Variants in CCNJL observed in about 807,000 individuals in gnomAD.
CCNJL encodes the protein cyclin-J-like protein.
A neutral mutation model predicts 33.4 loss-of-function variants in CCNJL; 33 were observed. The observed-to-expected ratio is 0.99, with a 90% confidence interval of 0.75 to 1.32. The LOEUF is 1.32. Among genes scored for constraint, CCNJL ranks in the 40% most tolerant of loss-of-function variants. CCNJL has a pLI of 0.00. For synonymous variants in CCNJL, 227 were observed against 220.9 expected, an observed-to-expected ratio of 1.03 and a Z score of -0.24; for missense variants, 512 against 499.7, an observed-to-expected ratio of 1.02 and a Z score of -0.23.
At chr5:160,316,413 A>G (rs1763381132), upstream of CCNJL, among the ~76,000 whole-genome samples, 1 of 103,424 alleles carries the variant, frequency 9.7e-6, no homozygotes, top group Non-Finnish European at 2.0e-5. Flanking sequence ...GCTTTCTTAT[A>G]TATCCCTAAA....
At chr5:160,268,327 C>T (rs915090723) in intron 3 of CCNJL, among the ~76,000 whole-genome samples, 1 of 152,224 alleles carries the variant, frequency 6.6e-6, no homozygotes, top group Non-Finnish European at 1.5e-5. Context: ...TACGGAGTGG[C>T]AGCCGCTTAC....
At chr5:160,287,964 C>T (rs1464839904) in intron 2 of CCNJL, among the ~76,000 whole-genome samples, 2 of 152,142 alleles carry the variant, frequency 1.3e-5, no homozygotes, top group Non-Finnish European at 2.9e-5. Context: ...CAGCTGTTGG[C>T]CCTTGATCAC....
At chr5:160,321,340 C>A (rs1763462002) in intron 1 of CCNJL, among the ~76,000 whole-genome samples, 1 of 152,158 alleles carries the variant, frequency 6.6e-6, no homozygotes, top group Non-Finnish European at 1.5e-5. Flanking sequence ...GAGACTGAGA[C>A]TGGACAGTGA....
intron 2 of CCNJL, among the ~76,000 whole-genome samples, chr5:160,282,511 A>G (rs937062276): frequency 6.6e-6 from 1 of 152,192 alleles, no homozygotes; most frequent in South Asian, 2.1e-4. Flanking sequence ...TCCAGAAAGA[A>G]AAAAGACAAC....
intron 3 of CCNJL, among the ~76,000 whole-genome samples, chr5:160,262,156 T>C (rs1761365439): frequency 6.6e-6 from 1 of 152,162 alleles, no homozygotes; most frequent in African/African-American, 2.4e-5. Context: ...AACGAGCTCT[T>C]TCCCTCCCCA....
At chr5:160,338,421 G>C (rs991252470) in intron 1 of CCNJL, among the ~76,000 whole-genome samples, 3 of 143,516 alleles carry the variant, frequency 2.1e-5, no homozygotes, top group African/African-American at 5.2e-5. Context: ...CCCAAAAAAA[G>C]CCAAACCTTC....
At chr5:160,269,812 C>T (rs140259202) in intron 3 of CCNJL, among the ~76,000 whole-genome samples, 67 of 152,308 alleles carry the variant, frequency 4.4e-4, no homozygotes, top group African/African-American at 1.5e-3. Context: ...TGTACAGTGG[C>T]TGAGAACCAC....
At chr5:160,274,009 CTG>C in intron 3 of CCNJL, among the ~76,000 whole-genome samples, 1 of 152,226 alleles carries the variant, frequency 6.6e-6, no homozygotes, top group Admixed American at 6.5e-5. Flanking sequence ...TGAGAATCAA[CTG>C]TGTTTGTATA....
rs939530328 is a variant in CCNJL at position 160,253,753 on chromosome 5, C to G, written c.789G>C (p.Gln263His). The change falls in exon 6 of 6, where the codon CAG (glutamine) becomes CAC (histidine). Residue 263 changes from glutamine to histidine, a missense_variant. Transcript: ENST00000257536. ...VLKDAVAVKS[Q>H]ALAMVPGTPP... Reference sequence around the variant, plus strand: ...GTGTGCCGGGCACCATTGCCAAGGCCTGGCTCTTGACGGCTACGGCATCCT... The same window carrying G: ...GTGTGCCGGGCACCATTGCCAAGGCGTGGCTCTTGACGGCTACGGCATCCT... The G allele has an allele frequency of 6.5e-7, 1 of 1,545,556 alleles. No homozygotes were observed. Among genetic ancestry groups the G allele is most frequent in the Non-Finnish European group, 8.7e-7 (1 of 1,147,662 alleles).
chr5:160,337,003 C>CTTTTTTTTTTT (rs35461944), intron 1 of CCNJL, among the ~76,000 whole-genome samples: 51 of 95,068 alleles, frequency 5.4e-4, no homozygotes, highest in South Asian at 1.2e-3. Context: ...CTTTTTCTTT[C>CTTTTTTTTTTT]TTTTTTTTTT....
At chr5:160,268,461 C>T (rs1013104508) in intron 3 of CCNJL, among the ~76,000 whole-genome samples, 1 of 152,228 alleles carries the variant, frequency 6.6e-6, no homozygotes, top group African/African-American at 2.4e-5. Flanking sequence ...GTGCTTAGAA[C>T]AGCACCCTTT....
chr5:160,303,308 C>A (rs981952179), intron 2 of CCNJL, among the ~76,000 whole-genome samples: 6 of 152,080 alleles, frequency 3.9e-5, no homozygotes, highest in Non-Finnish European at 7.4e-5. Flanking sequence ...CGGGTTCAAG[C>A]GATTCTCCTG....
At position 160,320,831 on chromosome 5, in the gene CCNJL, T is replaced by TTCTTTC. The variant is rs1253572636; in HGVS notation, n.207-5332_207-5327dup. On this transcript the variant is annotated intron_variant and non_coding_transcript_variant, in intron 1 of 7. Coordinates refer to the CCNJL transcript ENST00000377503. ...TTTCTTTCTTTCTTTCTTTCTTTCT[T>TTCTTTC]TCTTTCTTTCTTTCTTTCCTTCTTT... 3.7e-3 allele frequency among the ~76,000 whole-genome samples: 460 copies of TTCTTTC among 124,022 alleles called. 7 individuals carry two copies. Among genetic ancestry groups the TTCTTTC allele is most frequent in the African/African-American group, 0.013 (427 of 33,270 alleles). 81.4% of individuals were successfully genotyped at this position (124,022 alleles called of 152,430 possible). A position where few individuals can be genotyped will look rare whatever the true frequency, so the allele number is the denominator to read the frequency against.
chr5:160,318,797 A>C lies in CCNJL; in HGVS notation n.207-3292T>G, dbSNP rs73308698. On this transcript the variant is annotated intron_variant and non_coding_transcript_variant, in intron 1 of 7. Transcript: ENST00000377503. ...AATATATATGCATGTTCAGGCTACA[A>C]AATAGAATTTGTGTAATTTCAGTGA... Among the ~76,000 whole-genome samples the C allele has an allele frequency of 1.3e-3, 191 of 152,366 alleles. 2 individuals are homozygous for C. Among genetic ancestry groups the C allele is most frequent in the African/African-American group, 4.4e-3 (184 of 41,588 alleles).
At chr5:160,331,412 G>T (rs1394925134) in intron 1 of CCNJL, among the ~76,000 whole-genome samples, 1 of 151,630 alleles carries the variant, frequency 6.6e-6, no homozygotes. Flanking sequence ...TTTTAGTAGG[G>T]ACAGGGTTTC....
In CCNJL at chr5:160,249,198, A is replaced by G. The variant is rs1022495148; in HGVS notation, c.*4180T>C. The G allele has an allele frequency of 2.0e-5, 3 of 152,232 alleles. No homozygotes were observed. The highest frequency in any genetic ancestry group is 2.1e-4 in the South Asian group (1 of 4,834). 9.4% of individuals were successfully genotyped at this position (152,232 alleles called of 1,614,324 possible). A position where few individuals can be genotyped will look rare whatever the true frequency, so the allele number is the denominator to read the frequency against. ...GCCTCTGAAACTTAATTACATCCAG[A>G]AAGGACACTTGCATGCTAGTTTATC... On this transcript the variant is annotated 3_prime_UTR_variant, in exon 6 of 6. Transcript: ENST00000257536.
At chr5:160,276,135 C>CTT (rs1047564199) in intron 3 of CCNJL, 2 of 152,380 alleles carry the variant, frequency 1.3e-5, no homozygotes, top group African/African-American at 4.8e-5. Flanking sequence ...TGGCTCACGC[C>CTT]TGTAACCCCA....
Position 160,280,700 on chromosome 5 carries a change from G to A in CCNJL, c.105C>T (p.Leu35=). 6.2e-7 allele frequency: 1 copy of A among 1,611,834 alleles called. No individual in the cohort carries two copies. The highest frequency in any genetic ancestry group is 2.2e-5 in the East Asian group (1 of 44,792). Residue 35 remains leucine, a synonymous_variant, in exon 3 of 6, where the codon CTC becomes CTT. Coordinates refer to ENST00000257536, the MANE Select transcript of CCNJL (RefSeq NM_001308173.3). ...CCACGAAGAACCGGCGGCTCTTCAG[G>A]AGTGGGGAGTGGGCTCGGAAGGTGG... ...KLPTFRAHSP[L]LKSRRFFVDI...
chr5:160,256,223 G>C (rs1479181973), intron 4 of CCNJL, among the ~76,000 whole-genome samples: 1 of 152,158 alleles, frequency 6.6e-6, no homozygotes, highest in Non-Finnish European at 1.5e-5. Context: ...CTAGAACAGT[G>C]TTTTCAAAAT....
Sources: allele counts gnomAD v4.1 joint callset (sites outside exome capture counted in the v4.1 genomes callset), GRCh38; gene constraint gnomAD v4.1.1; transcripts MANE v1.5; gene names NCBI Gene and HGNC (gene_info 2026-07-23, HGNC 2026-07-21).